Variants in DAB1 observed in about 807,000 individuals in gnomAD.
The protein encoded by DAB1 is DAB adaptor protein 1.
A neutral mutation model predicts 64.6 loss-of-function variants in DAB1; 15 were observed. The ratio of observed to expected loss-of-function variants is 0.23; its 90% CI spans 0.16 to 0.36. DAB1 has a LOEUF of 0.36. DAB1 is among the 10% of genes least tolerant of loss of function. The probability of loss-of-function intolerance (pLI) is 1.00; values close to 1 mark genes in which losing one functional copy is unlikely to be tolerated. For missense variants in DAB1, 596 were observed against 706.7 expected, an observed-to-expected ratio of 0.84 and a Z score of 1.78; for synonymous variants, 235 against 251.9, an observed-to-expected ratio of 0.93 and a Z score of 0.64.
At chr1:57,746,668 C>T (rs372362155) in intron 6 of DAB1, among the ~76,000 whole-genome samples, 9 of 152,034 alleles carry the variant, frequency 5.9e-5, no homozygotes, top group South Asian at 2.1e-4. Flanking sequence ...GATATCCTTC[C>T]GTATACTTTA....
In DAB1 at chr1:57,733,734, G is replaced by C. The variant is rs61669340; in HGVS notation, n.552-84069C>G. 0.017 allele frequency among the ~76,000 whole-genome samples: 2,648 copies of C among 152,102 alleles called. 129 individuals carry two copies. In the East Asian group the frequency reaches 0.2, roughly 11 times the overall value. ...AGGAAGCCCCTGCTTTTCCAGAAGA[G>C]GATTAGGGTCTGAAGGAGAAGAAGG... On this transcript the variant is annotated intron_variant and non_coding_transcript_variant, in intron 6 of 20. Transcript: ENST00000485760.
At chr1:57,555,930 C>G (rs1644983289) in intron 7 of DAB1, among the ~76,000 whole-genome samples, 1 of 152,114 alleles carries the variant, frequency 6.6e-6, no homozygotes, top group Non-Finnish European at 1.5e-5. Flanking sequence ...TTCCAACTCC[C>G]AATTAAGCTA....
chr1:58,241,095 A>C (rs72910455), intron 4 of DAB1, among the ~76,000 whole-genome samples: 2,213 of 152,106 alleles, frequency 0.015, 57 homozygotes, highest in African/African-American at 0.05. Context: ...AAATAATCTC[A>C]TGTATCTAAA....
rs1215880171 is a variant in DAB1, at chr1:58,518,588, G to A, written n.107+8673C>T. 2.0e-5 allele frequency among the ~76,000 whole-genome samples: 3 copies of A among 151,692 alleles called. No individual in the cohort carries two copies. The East Asian group carries it at 5.9e-4, about 30-fold the overall frequency. On this transcript the variant is annotated intron_variant and non_coding_transcript_variant, in intron 2 of 20. Coordinates refer to the DAB1 transcript ENST00000485760. ...TTTATAGATAGAACTGCCAGGACTT[G>A]GTGAAAAAATTAAGAGTAAATGATA...
chr1:57,276,046 A>G (rs565517880), intron 2 of DAB1, among the ~76,000 whole-genome samples: 126 of 152,366 alleles, frequency 8.3e-4, no homozygotes, highest in Non-Finnish European at 1.6e-3. Context: ...ATAATATTGC[A>G]AAAAGTTTAT....
At chr1:57,337,035 CTGTTCAG>C (rs1390063602) in intron 1 of DAB1, among the ~76,000 whole-genome samples, 4 of 152,196 alleles carry the variant, frequency 2.6e-5, no homozygotes, top group Admixed American at 2.0e-4. Flanking sequence ...GATTCTTCAA[CTGTTCAG>C]TGTCCTGGGT....
chr1:58,318,077 G>A (rs1305542931), intron 4 of DAB1, among the ~76,000 whole-genome samples: 3 of 152,216 alleles, frequency 2.0e-5, no homozygotes, highest in Non-Finnish European at 4.4e-5. Context: ...GAAAAAAGGA[G>A]AGAACAATTC....
intron 5 of DAB1, among the ~76,000 whole-genome samples, chr1:57,993,332 G>A (rs1029163834): frequency 5.3e-5 from 8 of 152,144 alleles, no homozygotes; most frequent in African/African-American, 1.2e-4. Flanking sequence ...ATGTCCTAGA[G>A]GGGAGGAACC....
chr1:58,354,937 T>C (rs1450347244), intron 3 of DAB1, among the ~76,000 whole-genome samples: 2 of 152,182 alleles, frequency 1.3e-5, no homozygotes, highest in African/African-American at 4.8e-5. Flanking sequence ...TGCTCCAATC[T>C]TCCCCCTCTA....
intron 7 of DAB1, among the ~76,000 whole-genome samples, chr1:57,437,035 CAA>C (rs66682648): frequency 3.7e-5 from 4 of 108,828 alleles, no homozygotes. Context: ...GACTCCGTCT[CAA>C]AAAAAAAAAA....
At chr1:57,483,454 C>T (rs1230051899) in intron 7 of DAB1, among the ~76,000 whole-genome samples, 1 of 152,168 alleles carries the variant, frequency 6.6e-6, no homozygotes, top group African/African-American at 2.4e-5. Context: ...GTGCTTTCAC[C>T]TTCCAACATG....
At chr1:57,056,941 G>C (rs559253183) in intron 9 of DAB1, among the ~76,000 whole-genome samples, 48 of 152,230 alleles carry the variant, frequency 3.2e-4, no homozygotes, top group South Asian at 2.7e-3. Flanking sequence ...GCTGAAGACA[G>C]AAAATAACAT....
At chr1:57,394,776 C>T (rs1682668601) in intron 1 of DAB1, among the ~76,000 whole-genome samples, 1 of 152,186 alleles carries the variant, frequency 6.6e-6, no homozygotes, top group South Asian at 2.1e-4. Context: ...TTTAACTGTG[C>T]ATTGAGAATC....
intron 5 of DAB1, among the ~76,000 whole-genome samples, chr1:58,125,973 C>A (rs1472229184): frequency 6.6e-6 from 1 of 152,102 alleles, no homozygotes; most frequent in African/African-American, 2.4e-5. Context: ...AGGGGACAGG[C>A]TGTTACCACG....
At chr1:57,574,015 A>G (rs1036863491) in intron 7 of DAB1, among the ~76,000 whole-genome samples, 1 of 152,218 alleles carries the variant, frequency 6.6e-6, no homozygotes, top group Admixed American at 6.5e-5. Context: ...GGCCAGAAGA[A>G]AAAAGAAGAG....
At chr1:58,089,360 C>A (rs562350981) in intron 5 of DAB1, among the ~76,000 whole-genome samples, 1 of 152,228 alleles carries the variant, frequency 6.6e-6, no homozygotes, top group African/African-American at 2.4e-5. Context: ...TATGCGCTTA[C>A]GAGTACATGG....
chr1:57,736,771 C>G (rs965619621), intron 6 of DAB1, among the ~76,000 whole-genome samples: 1 of 152,156 alleles, frequency 6.6e-6, no homozygotes, highest in African/African-American at 2.4e-5. Context: ...CTCTTTCCAT[C>G]TCCCTGCCTT....
chr1:57,746,038 T>G (rs1438017920), intron 6 of DAB1, among the ~76,000 whole-genome samples: 1 of 152,198 alleles, frequency 6.6e-6, no homozygotes, highest in Non-Finnish European at 1.5e-5. Flanking sequence ...TAGTCTATTC[T>G]TTTTAACTGT....
intron 3 of DAB1, among the ~76,000 whole-genome samples, chr1:58,477,158 C>T (rs183710623): frequency 2.0e-5 from 3 of 152,272 alleles, no homozygotes; most frequent in Admixed American, 6.5e-5. Context: ...TTCTCCCCTA[C>T]GAGTAAATGA....
Sources: allele counts gnomAD v4.1 joint callset (sites outside exome capture counted in the v4.1 genomes callset), GRCh38; gene constraint gnomAD v4.1.1; transcripts MANE v1.5; gene names NCBI Gene and HGNC (gene_info 2026-07-23, HGNC 2026-07-21).